UGT1A8: variants seen among roughly 807,000 people sequenced by gnomAD.
UGT1A8 encodes UDP-glucuronosyltransferase 1A8.
UGT1A8 carries 39 observed loss-of-function variants against 45.3 expected under a neutral mutation model. That is an observed-to-expected ratio of 0.86 (90% confidence interval 0.67 to 1.12). The LOEUF (loss-of-function observed/expected upper bound fraction) is 1.12. Among genes scored for constraint, UGT1A8 ranks in the 50% most tolerant of loss-of-function variants. UGT1A8 has a pLI of 0.00. For missense variants in UGT1A8, 719 were observed against 664.9 expected (o/e 1.08, Z -0.90); for synonymous variants, 275 against 249.2 (o/e 1.10, Z -0.97).
chr2:233,757,560 ATG>A lies in UGT1A8; in HGVS notation c.856-9472_856-9471del, dbSNP rs199649558. The stretch of plus-strand genomic sequence containing the variant: ...AATATATATATATATATATATATAT[ATG>A]TATATATGATATAGCTATAGTCTAA... On this transcript the variant is annotated intron_variant, in intron 1 of 4. Transcript: ENST00000373450. 4.4e-3 allele frequency among the ~76,000 whole-genome samples: 540 copies of A among 123,120 alleles called. 38 individuals are homozygous for A. Among genetic ancestry groups the A allele is most frequent in the African/African-American group, 0.017 (503 of 29,340 alleles). 80.8% of individuals were successfully genotyped at this position (123,120 alleles called of 152,430 possible). A position where few individuals can be genotyped will look rare whatever the true frequency, so the allele number is the denominator to read the frequency against.
chr2:233,618,017 A>C lies in UGT1A8; in HGVS notation c.310A>C (p.Ser104Arg), dbSNP rs780487377. Reference protein sequence around the residue: ...ADAQWKAQVRSLFSLFLSSSN... With the variant: ...ADAQWKAQVRRLFSLFLSSSN... The stretch of plus-strand genomic sequence containing the variant: ...TGCTCAATGGAAAGCACAAGTACGA[A>C]GTTTGTTTTCTCTATTTCTGAGTTC... The change falls in exon 1 of 5, where the codon AGT (serine) becomes CGT (arginine). Residue 104 changes from serine (S) to arginine (R), a missense_variant. Physicochemically the swap from Ser to Arg is moderately radical, Grantham distance 110. Transcript: ENST00000373450. 6 of 1,614,058 alleles carry C rather than the reference A, an allele frequency of 3.7e-6. No individual in the cohort carries two copies. In the East Asian group the frequency reaches 1.3e-4, roughly 36 times the overall value.
At chr2:233,691,385 A>G (rs1002269496) in intron 1 of UGT1A8, 8 of 985,406 alleles carry the variant, frequency 8.1e-6, no homozygotes, top group African/African-American at 7.0e-5. Context: ...TATGTTCCCC[A>G]TGGGGGCCAG....
intron 1 of UGT1A8, among the ~76,000 whole-genome samples, chr2:233,733,630 C>T (rs2078422347): frequency 6.6e-6 from 1 of 152,174 alleles, no homozygotes; most frequent in Non-Finnish European, 1.5e-5. Context: ...ATATGTTGAA[C>T]CAGCCTTGCA....
chr2:233,684,670 C>T (rs1575433301), intron 1 of UGT1A8, among the ~76,000 whole-genome samples: 1 of 151,890 alleles, frequency 6.6e-6, no homozygotes, highest in African/African-American at 2.4e-5. Flanking sequence ...AAGGAATATA[C>T]ATATGATAGG....
intron 1 of UGT1A8, among the ~76,000 whole-genome samples, chr2:233,757,672 G>A (rs1236186994): frequency 2.0e-5 from 3 of 151,168 alleles, no homozygotes; most frequent in Admixed American, 2.0e-4. Context: ...GGAAATTCAA[G>A]GAATTCAAGG....
chr2:233,699,516 T>G (rs368218904), intron 1 of UGT1A8, among the ~76,000 whole-genome samples: 7 of 152,210 alleles, frequency 4.6e-5, no homozygotes, highest in African/African-American at 1.7e-4. Flanking sequence ...TGTTCAAGCC[T>G]TCCGAAGGAC....
intron 1 of UGT1A8, among the ~76,000 whole-genome samples, chr2:233,688,780 T>C (rs1215493490): frequency 6.6e-6 from 1 of 152,142 alleles, no homozygotes; most frequent in Non-Finnish European, 1.5e-5. Flanking sequence ...GCCATTCTAA[T>C]GGAGAGGAAG....
intron 1 of UGT1A8, among the ~76,000 whole-genome samples, chr2:233,665,469 A>C (rs889508946): frequency 6.6e-6 from 1 of 152,234 alleles, no homozygotes; most frequent in African/African-American, 2.4e-5. Flanking sequence ...GCTGTGGCAA[A>C]GTAGTGCCTT....
chr2:233,752,614 C>T (rs567429559), intron 1 of UGT1A8: 24 of 152,230 alleles, frequency 1.6e-4, no homozygotes, highest in African/African-American at 5.8e-4. Context: ...AAAACATTAG[C>T]TAGGTGTGGT....
At chr2:233,622,802 A>G (rs2073032431) in intron 1 of UGT1A8, among the ~76,000 whole-genome samples, 1 of 152,180 alleles carries the variant, frequency 6.6e-6, no homozygotes, top group Non-Finnish European at 1.5e-5. Flanking sequence ...GTCTTTGCCC[A>G]TGCCTATGTC....
intron 1 of UGT1A8, among the ~76,000 whole-genome samples, chr2:233,665,583 C>T (rs1468534346): frequency 1.3e-5 from 2 of 152,158 alleles, no homozygotes; most frequent in African/African-American, 4.8e-5. Flanking sequence ...CAAGGTAGGG[C>T]AGGAGAAACA....
At chr2:233,655,243 C>A (rs1456380570) in intron 1 of UGT1A8, among the ~76,000 whole-genome samples, 1 of 152,192 alleles carries the variant, frequency 6.6e-6, no homozygotes, top group Non-Finnish European at 1.5e-5. Flanking sequence ...CTATTATCAG[C>A]TACCTGTTTT....
intron 1 of UGT1A8, chr2:233,742,758 T>C (rs1302155264): frequency 1.3e-5 from 2 of 153,094 alleles, no homozygotes. Flanking sequence ...AATATTAAGA[T>C]AATAAATGCA....
intron 1 of UGT1A8, among the ~76,000 whole-genome samples, chr2:233,656,016 A>G (rs2073845974): frequency 6.6e-6 from 1 of 152,140 alleles, no homozygotes; most frequent in Non-Finnish European, 1.5e-5. Context: ...GCTGGGAAGC[A>G]TGACCTCTGG....
intron 1 of UGT1A8, among the ~76,000 whole-genome samples, chr2:233,720,213 A>G (rs1171832820): frequency 6.6e-6 from 1 of 152,188 alleles, no homozygotes; most frequent in East Asian, 1.9e-4. Flanking sequence ...GGTGGGATGG[A>G]TGCATGTGAT....
chr2:233,743,469 A>T, intron 1 of UGT1A8: 3 of 1,366,764 alleles, frequency 2.2e-6, no homozygotes, highest in Non-Finnish European at 2.9e-6. Flanking sequence ...CACCCCCAAA[A>T]GCTGGAAATT....
At chr2:233,761,102 T>C (rs1487885628) in intron 1 of UGT1A8, 1 of 1,614,116 alleles carries the variant, frequency 6.2e-7, no homozygotes, top group Admixed American at 1.7e-5. Context: ...ATGCCCAATA[T>C]GGTTTTTGTT....
intron 1 of UGT1A8, among the ~76,000 whole-genome samples, chr2:233,628,797 G>A (rs2073136319): frequency 6.6e-6 from 1 of 151,996 alleles, no homozygotes; most frequent in Non-Finnish European, 1.5e-5. Flanking sequence ...TATTTTCCGA[G>A]TTTGTTGAGA....
At chr2:233,646,284 G>A (rs2125470131) in intron 1 of UGT1A8, among the ~76,000 whole-genome samples, 1 of 152,040 alleles carries the variant, frequency 6.6e-6, no homozygotes, top group East Asian at 1.9e-4. Flanking sequence ...GTGATGGGAG[G>A]GACTGCTGTG....
Sources: allele counts gnomAD v4.1 joint callset (sites outside exome capture counted in the v4.1 genomes callset), GRCh38; gene constraint gnomAD v4.1.1; transcripts MANE v1.5; gene names NCBI Gene and HGNC (gene_info 2026-07-23, HGNC 2026-07-21).